Variants in CDH12 observed in about 807,000 individuals in gnomAD.
CDH12 encodes cadherin-12.
A neutral mutation model predicts 74.1 loss-of-function variants in CDH12; 41 were observed. The ratio of observed to expected loss-of-function variants is 0.55; its 90% CI spans 0.43 to 0.72. The LOEUF (loss-of-function observed/expected upper bound fraction) is 0.72. CDH12 is among the 30% of genes least tolerant of loss of function. The probability of loss-of-function intolerance (pLI) is 0.00; values close to 1 mark genes in which losing one functional copy is unlikely to be tolerated. For synonymous variants in CDH12, 399 were observed against 355.0 expected (o/e 1.12, Z -1.39); for missense variants, 945 against 977.2 (o/e 0.97, Z 0.44).
rs1745644660 is a variant in CDH12, at chr5:22,123,500, G to A, written c.-186-44638C>T. Among the ~76,000 whole-genome samples, 2 of 152,110 alleles carry A rather than the reference G, an allele frequency of 1.3e-5. 1 individual carries two copies. The highest frequency in any genetic ancestry group is 4.1e-4 in the South Asian group (2 of 4,828). ...ATGACAAATCCAAAGTTTAGTATTA[G>A]CAACTGGGTATGTAGTCGTTCGATT... On this transcript the variant is annotated intron_variant, in intron 4 of 14. Coordinates refer to ENST00000382254, the MANE Select transcript of CDH12 (RefSeq NM_004061.5).
intron 3 of CDH12, among the ~76,000 whole-genome samples, chr5:22,358,370 T>C (rs992640721): frequency 2.6e-5 from 4 of 151,722 alleles, no homozygotes; most frequent in Admixed American, 2.6e-4. Context: ...ATCATCCCAC[T>C]GCACTCCACT....
At chr5:22,758,223 T>A (rs1403172840) in intron 1 of CDH12, among the ~76,000 whole-genome samples, 1 of 152,200 alleles carries the variant, frequency 6.6e-6, no homozygotes, top group Non-Finnish European at 1.5e-5. Flanking sequence ...AAATGCATTA[T>A]CTATAGCACA....
intron 1 of CDH12, among the ~76,000 whole-genome samples, chr5:22,716,533 T>C (rs1385637035): frequency 6.6e-6 from 1 of 151,966 alleles, no homozygotes; most frequent in East Asian, 1.9e-4. Context: ...CTATCATTGG[T>C]TTTTGTATTT....
intron 2 of CDH12, among the ~76,000 whole-genome samples, chr5:22,421,346 C>T (rs1006411630): frequency 1.7e-4 from 26 of 152,144 alleles, no homozygotes; most frequent in Non-Finnish European, 1.0e-4. Flanking sequence ...CTAACCTGCA[C>T]TCCCTGACAG....
intron 6 of CDH12, among the ~76,000 whole-genome samples, chr5:21,939,218 A>G (rs1755216866): frequency 7.0e-6 from 1 of 142,414 alleles, no homozygotes; most frequent in Non-Finnish European, 1.5e-5. Context: ...CATACCTTCT[A>G]TATATATATA....
At chr5:22,399,194 C>G (rs1326331099) in intron 3 of CDH12, among the ~76,000 whole-genome samples, 3 of 63,472 alleles carry the variant, frequency 4.7e-5, no homozygotes, top group Non-Finnish European at 1.1e-4. Flanking sequence ...TACCCAGTAT[C>G]TATCTATCTA....
chr5:22,774,897 G>A (rs1318061541), intron 1 of CDH12, among the ~76,000 whole-genome samples: 1 of 151,776 alleles, frequency 6.6e-6, no homozygotes, highest in Non-Finnish European at 1.5e-5. Flanking sequence ...TCACTACCTG[G>A]GTGACAGGAT....
chr5:22,584,573 C>T (rs1740278521), intron 1 of CDH12, among the ~76,000 whole-genome samples: 1 of 152,072 alleles, frequency 6.6e-6, no homozygotes, highest in Admixed American at 6.6e-5. Flanking sequence ...AACAATGCTG[C>T]AATTGATATT....
intron 2 of CDH12, among the ~76,000 whole-genome samples, chr5:22,482,629 T>C (rs1342288919): frequency 1.3e-5 from 2 of 152,206 alleles, no homozygotes; most frequent in East Asian, 3.8e-4. Flanking sequence ...ATTTTTAGCA[T>C]AATATTAAGG....
intron 4 of CDH12, among the ~76,000 whole-genome samples, chr5:22,140,449 G>A: frequency 6.6e-6 from 1 of 151,710 alleles, no homozygotes; most frequent in African/African-American, 2.4e-5. Context: ...AGTAAAAAGA[G>A]AAGTAAGTTT....
At chr5:21,887,065 G>T (rs1752669864) in intron 6 of CDH12, among the ~76,000 whole-genome samples, 1 of 152,092 alleles carries the variant, frequency 6.6e-6, no homozygotes, top group Admixed American at 6.6e-5. Context: ...CGATAAAATT[G>T]TTTAGGATTT....
chr5:22,711,858 C>A (rs1743304339), intron 1 of CDH12, among the ~76,000 whole-genome samples: 1 of 152,022 alleles, frequency 6.6e-6, no homozygotes, highest in Non-Finnish European at 1.5e-5. Context: ...GAAAGGAATT[C>A]TTGAGGGCAT....
chr5:22,777,880 T>G (rs954762456), intron 1 of CDH12, among the ~76,000 whole-genome samples: 11 of 152,030 alleles, frequency 7.2e-5, no homozygotes, highest in African/African-American at 2.7e-4. Flanking sequence ...GTGCTGTGAT[T>G]TAAGCTCACT....
At chr5:21,957,736 C>T (rs1290393702) in intron 6 of CDH12, among the ~76,000 whole-genome samples, 1 of 152,046 alleles carries the variant, frequency 6.6e-6, no homozygotes, top group Non-Finnish European at 1.5e-5. Flanking sequence ...AGTGTCTGTT[C>T]ATGTACTTTG....
intron 1 of CDH12, among the ~76,000 whole-genome samples, chr5:22,704,482 T>C (rs1034680384): frequency 3.3e-5 from 5 of 152,126 alleles, no homozygotes; most frequent in African/African-American, 1.2e-4. Context: ...GTTATATCAC[T>C]AGAGTTCTAA....
chr5:22,371,908 C>T (rs1214747903), intron 3 of CDH12, among the ~76,000 whole-genome samples: 1 of 152,080 alleles, frequency 6.6e-6, no homozygotes, highest in African/African-American at 2.4e-5. Context: ...GGCTTTTGTC[C>T]TTTATTCTCA....
At chr5:21,977,646 T>G (rs1224810013) in intron 5 of CDH12, among the ~76,000 whole-genome samples, 1 of 152,136 alleles carries the variant, frequency 6.6e-6, no homozygotes, top group Non-Finnish European at 1.5e-5. Flanking sequence ...CTTTGCAAAC[T>G]GACATAAAAA....
chr5:21,910,676 C>CT (rs5866529), intron 6 of CDH12, among the ~76,000 whole-genome samples: 107,832 of 146,442 alleles, frequency 0.74, 40,937 homozygotes, highest in East Asian at 0.92. Flanking sequence ...TAGGATTTAT[C>CT]TTTTTTTTTT....
intron 4 of CDH12, among the ~76,000 whole-genome samples, chr5:22,205,660 G>A (rs1368788058): frequency 6.6e-6 from 1 of 152,098 alleles, no homozygotes; most frequent in Non-Finnish European, 1.5e-5. Context: ...TGGGAGAGAA[G>A]AAAGTTGAAC....
Sources: allele counts gnomAD v4.1 joint callset (sites outside exome capture counted in the v4.1 genomes callset), GRCh38; gene constraint gnomAD v4.1.1; transcripts MANE v1.5; gene names NCBI Gene and HGNC (gene_info 2026-07-23, HGNC 2026-07-21).